NFIA: variants seen among roughly 807,000 people sequenced by gnomAD.
The protein encoded by NFIA is nuclear factor I A.
A neutral mutation model predicts 62.8 loss-of-function variants in NFIA; 8 were observed. The observed-to-expected ratio is 0.13, with a 90% CI of 0.07 to 0.23. The LOEUF (loss-of-function observed/expected upper bound fraction) is 0.23, where lower values mean the gene tolerates loss of function less well. Ranked by LOEUF, NFIA falls within the 10% of genes least tolerant of loss-of-function variation. The pLI is 1.00. For synonymous variants in NFIA, 235 were observed against 238.1 expected (o/e 0.99, Z 0.12); for missense variants, 410 against 642.1 (o/e 0.64, Z 3.91).
chr1:61,334,555 G>GTATA (rs56259392), intron 4 of NFIA, among the ~76,000 whole-genome samples: 1 of 97,496 alleles, frequency 1.0e-5, no homozygotes, highest in African/African-American at 3.8e-5. Context: ...GTGTGTGTGT[G>GTATA]TATATATATA....
chr1:61,109,925 T>C (rs935305277), intron 2 of NFIA, among the ~76,000 whole-genome samples: 1 of 152,024 alleles, frequency 6.6e-6, no homozygotes, highest in Admixed American at 6.6e-5. Context: ...TTATTTTATG[T>C]TATACAATTT....
intron 9 of NFIA, among the ~76,000 whole-genome samples, chr1:61,425,002 T>G (rs1376248614): frequency 6.6e-6 from 1 of 152,214 alleles, no homozygotes; most frequent in Non-Finnish European, 1.5e-5. Flanking sequence ...TATCATACAT[T>G]TAGATCATTT....
chr1:61,414,039 G>T (rs1470456566), intron 9 of NFIA, among the ~76,000 whole-genome samples: 1 of 151,946 alleles, frequency 6.6e-6, no homozygotes, highest in African/African-American at 2.4e-5. Context: ...CTGGAGTGCA[G>T]TGGCGCAATC....
At chr1:61,259,048 C>G (rs1656598014) in intron 2 of NFIA, among the ~76,000 whole-genome samples, 1 of 152,094 alleles carries the variant, frequency 6.6e-6, no homozygotes, top group African/African-American at 2.4e-5. Flanking sequence ...ACTCTGGTTC[C>G]TACAAAATTT....
chr1:61,408,249 G>T (rs59530632), intron 9 of NFIA, among the ~76,000 whole-genome samples: 8,131 of 152,310 alleles, frequency 0.053, 726 homozygotes, highest in African/African-American at 0.19. Context: ...AACCCTCAGT[G>T]TCCAATGACA....
intron 3 of NFIA, among the ~76,000 whole-genome samples, chr1:61,311,529 G>A (rs1303825666): frequency 6.6e-6 from 1 of 152,166 alleles, no homozygotes; most frequent in East Asian, 1.9e-4. Flanking sequence ...TCCTATGTGT[G>A]GGTCACTGTC....
intron 9 of NFIA, among the ~76,000 whole-genome samples, chr1:61,424,109 G>C (rs1010221423): frequency 6.6e-6 from 1 of 152,026 alleles, no homozygotes; most frequent in African/African-American, 2.4e-5. Context: ...TAGCATGAAA[G>C]GCCTTCTGGG....
At chr1:61,197,093 C>T (rs1037836142) in intron 2 of NFIA, among the ~76,000 whole-genome samples, 1 of 151,944 alleles carries the variant, frequency 6.6e-6, no homozygotes, top group African/African-American at 2.4e-5. Flanking sequence ...TAGCAGTATT[C>T]GGAATGCAAC....
intron 9 of NFIA, among the ~76,000 whole-genome samples, chr1:61,417,265 T>TTGTGTGTGTGTGTGTG (rs5774557): frequency 7.2e-6 from 1 of 139,100 alleles, no homozygotes; most frequent in African/African-American, 2.7e-5. Flanking sequence ...TTCCTCATCT[T>TTGTGTGTGTGTGTGTG]TGTGTGTGTG....
chr1:61,083,432 G>T (rs1212218986), intron 1 of NFIA, among the ~76,000 whole-genome samples: 1 of 152,106 alleles, frequency 6.6e-6, no homozygotes, highest in African/African-American at 2.4e-5. Context: ...AGCCTTCGGG[G>T]TCCGGCCGCG....
At chr1:61,310,389 C>T (rs1660033482) in intron 3 of NFIA, among the ~76,000 whole-genome samples, 1 of 152,182 alleles carries the variant, frequency 6.6e-6, no homozygotes, top group African/African-American at 2.4e-5. Context: ...TTTACCCAAG[C>T]TCCAGTGAGG....
rs17121991 is a variant in NFIA, at chr1:61,362,814, C to T, written c.946+3540C>T. On this transcript the variant is annotated intron_variant, in intron 6 of 10. Transcript: ENST00000403491. ...AGTTATCTCAAAACTGGGTTAGATA[C>T]GAAGCTTTGAAGCAAATCATGAATT... 9.7e-4 allele frequency among the ~76,000 whole-genome samples: 148 copies of T among 152,232 alleles called. 3 individuals carry two copies. The East Asian group carries it at 0.025, about 26-fold the overall frequency.
chr1:61,368,630 A>G (rs895559902), intron 6 of NFIA, among the ~76,000 whole-genome samples: 13 of 152,244 alleles, frequency 8.5e-5, no homozygotes, highest in Non-Finnish European at 1.8e-4. Flanking sequence ...AAGAGCTGCC[A>G]TTTATTAAGC....
intron 2 of NFIA, among the ~76,000 whole-genome samples, chr1:61,248,030 C>T (rs1165723914): frequency 6.6e-6 from 1 of 151,964 alleles, no homozygotes; most frequent in Non-Finnish European, 1.5e-5. Context: ...TACATGTGTG[C>T]GGTGATAAGC....
At position 61,398,909 on chromosome 1, in the gene NFIA, G is replaced by A. The variant is rs1363388867; in HGVS notation, c.1076-5195G>A. Among the ~76,000 whole-genome samples the A allele has an allele frequency of 4.6e-5, 7 of 152,204 alleles. 1 individual carries two copies. Among genetic ancestry groups the A allele is most frequent in the Admixed American group, 4.6e-4 (7 of 15,282 alleles). Reference sequence around the variant, plus strand: ...AGTGTGGTTTTGAATTTCTGAAGAAGCAAGATACATAGTAGTTGACAACCC... The same window carrying A: ...AGTGTGGTTTTGAATTTCTGAAGAAACAAGATACATAGTAGTTGACAACCC... On this transcript the variant is annotated intron_variant, in intron 7 of 10. Transcript: ENST00000403491.
chr1:61,313,808 C>T (rs116030497), intron 3 of NFIA, among the ~76,000 whole-genome samples: 96 of 152,266 alleles, frequency 6.3e-4, no homozygotes, highest in African/African-American at 2.2e-3. Context: ...TAAGTGCTTC[C>T]GCCTCTGGAG....
At chr1:61,337,788 C>T (rs1477805477) in intron 4 of NFIA, among the ~76,000 whole-genome samples, 1 of 152,176 alleles carries the variant, frequency 6.6e-6, no homozygotes, top group African/African-American at 2.4e-5. Flanking sequence ...GCTTAGATAG[C>T]TCTCTCTGTC....
rs1657882809 is a variant in NFIA at position 61,277,586 on chromosome 1, G to A, written c.625+1G>A. ...GACATTAAGGACCAGCCAGAAAATG[G>A]TAAGTTTAGCTTGGGACTCTAGCTG... On this transcript the variant is annotated splice_donor_variant, in intron 3 of 10. Transcript: ENST00000403491. LOFTEE classifies it high-confidence loss of function. 1 of 1,613,582 alleles carries A rather than the reference G, an allele frequency of 6.2e-7. No individual in the cohort carries two copies. The highest frequency in any genetic ancestry group is 1.7e-5 in the Admixed American group (1 of 59,982).
intron 6 of NFIA, among the ~76,000 whole-genome samples, chr1:61,362,012 A>G (rs529237194): frequency 1.3e-5 from 2 of 152,250 alleles, no homozygotes; most frequent in Non-Finnish European, 2.9e-5. Flanking sequence ...CATAATTGCA[A>G]CAAGGCCTGA....
Sources: allele counts gnomAD v4.1 joint callset (sites outside exome capture counted in the v4.1 genomes callset), GRCh38; gene constraint gnomAD v4.1.1; transcripts MANE v1.5; gene names NCBI Gene and HGNC (gene_info 2026-07-23, HGNC 2026-07-21).